Variants in RNF169 observed in about 807,000 individuals in gnomAD.
RNF169 encodes E3 ubiquitin-protein ligase RNF169.
A neutral mutation model predicts 53.9 loss-of-function variants in RNF169; 24 were observed. The observed-to-expected ratio is 0.45, with a 90% CI of 0.32 to 0.63. The LOEUF is 0.63. Ranked by LOEUF, RNF169 falls within the 20% of genes least tolerant of loss-of-function variation. RNF169 has a pLI of 0.04. For synonymous variants in RNF169, 396 were observed against 363.5 expected (o/e 1.09, Z -1.02); for missense variants, 883 against 906.2 (o/e 0.97, Z 0.33).
chr11:74,794,575 G>A (rs1055460395), intron 2 of RNF169, among the ~76,000 whole-genome samples: 1 of 152,170 alleles, frequency 6.6e-6, no homozygotes, highest in African/African-American at 2.4e-5. Context: ...AAAGTTTAGG[G>A]TATGACCATG....
chr11:74,780,859 C>T (rs1223337414), intron 1 of RNF169, among the ~76,000 whole-genome samples: 2 of 152,166 alleles, frequency 1.3e-5, no homozygotes, highest in Non-Finnish European at 2.9e-5. Context: ...GAGGCAAAAA[C>T]GTCAGTGGTG....
chr11:74,813,730 C>T (rs1010787641), intron 3 of RNF169, among the ~76,000 whole-genome samples: 3 of 152,188 alleles, frequency 2.0e-5, no homozygotes, highest in Admixed American at 1.3e-4. Flanking sequence ...GCTCTGTCGC[C>T]AGGCTGGAGT....
intron 1 of RNF169, among the ~76,000 whole-genome samples, chr11:74,763,955 T>C (rs1303594845): frequency 6.6e-6 from 1 of 152,140 alleles, no homozygotes; most frequent in Non-Finnish European, 1.5e-5. Context: ...CAAGTGATCC[T>C]CCCACCTTGG....
chr11:74,785,818 A>G (rs528160262), intron 1 of RNF169, among the ~76,000 whole-genome samples: 3 of 152,256 alleles, frequency 2.0e-5, no homozygotes, highest in Non-Finnish European at 4.4e-5. Flanking sequence ...GATTTCAGTC[A>G]TTATGCTGAG....
In RNF169 at chr11:74,835,782, C is replaced by G; in HGVS notation, c.1179C>G (p.Pro393=). 6.2e-7 allele frequency: 1 copy of G among 1,614,216 alleles called. No individual in the cohort carries two copies. ...KPIVCSPCTP[P]KRLPDGRVLS... ...TTGTCTGCTCACCATGTACTCCTCC[C>G]AAGAGACTCCCTGATGGCCGTGTGC... Residue 393 remains proline, a synonymous_variant, in exon 6 of 6, where the codon CCC becomes CCG. Transcript: ENST00000299563.
At position 74,840,465 on chromosome 11, in the gene RNF169, G is replaced by C. The variant is rs761096780; in HGVS notation, c.*3735G>C. 1 of 152,212 alleles carries C rather than the reference G, an allele frequency of 6.6e-6. No individual in the cohort carries two copies. Among genetic ancestry groups the C allele is most frequent in the Non-Finnish European group, 1.5e-5 (1 of 68,040 alleles). The allele number at this position is 152,212 out of a possible 1,614,324, so 9.4% of individuals were successfully genotyped here. ...AGGAGAATGAATTTTCTCCTCTAGTGATTACAGGACATTAACATCTCTTCA... is the reference window on the plus strand; with the variant it reads ...AGGAGAATGAATTTTCTCCTCTAGTCATTACAGGACATTAACATCTCTTCA... On this transcript the variant is annotated 3_prime_UTR_variant, in exon 6 of 6. Transcript: ENST00000299563.
chr11:74,838,995 T>C lies in RNF169; in HGVS notation c.*2265T>C, dbSNP rs2135160093. 1 of 152,346 alleles carries C rather than the reference T, an allele frequency of 6.6e-6. No individual in the cohort carries two copies. The highest frequency in any genetic ancestry group is 2.4e-5 in the African/African-American group (1 of 41,584). 9.4% of individuals were successfully genotyped at this position (152,346 alleles called of 1,614,324 possible). A position where few individuals can be genotyped will look rare whatever the true frequency, so the allele number is the denominator to read the frequency against. On this transcript the variant is annotated 3_prime_UTR_variant, in exon 6 of 6. Coordinates refer to ENST00000299563, the MANE Select transcript of RNF169 (RefSeq NM_001098638.2). ...TTCAGTTGGAATTGATTTTTGTCTTTGGTAAAAAGAAATATTTTTAATAGA... is the reference window on the plus strand; with the variant it reads ...TTCAGTTGGAATTGATTTTTGTCTTCGGTAAAAAGAAATATTTTTAATAGA...
chr11:74,770,384 G>C (rs1346930559), intron 1 of RNF169, among the ~76,000 whole-genome samples: 1 of 152,220 alleles, frequency 6.6e-6, no homozygotes, highest in Admixed American at 6.5e-5. Flanking sequence ...GTAGAAAGCA[G>C]GTTATGGATA....
At chr11:74,830,437 TC>T (rs1264007530) in intron 4 of RNF169, 1 of 152,048 alleles carries the variant, frequency 6.6e-6, no homozygotes, top group Non-Finnish European at 1.5e-5. Flanking sequence ...ATGTACCAGT[TC>T]CTAGAGTGAA....
At chr11:74,819,291 G>T (rs1326827356) in intron 4 of RNF169, among the ~76,000 whole-genome samples, 1 of 152,094 alleles carries the variant, frequency 6.6e-6, no homozygotes, top group African/African-American at 2.4e-5. Context: ...TTTATAAATG[G>T]AAGACTAAAG....
At chr11:74,791,447 C>T (rs1351510071) in intron 2 of RNF169, among the ~76,000 whole-genome samples, 1 of 152,246 alleles carries the variant, frequency 6.6e-6, no homozygotes, top group African/African-American at 2.4e-5. Context: ...ACAGTACCCA[C>T]AGTGCCCGGG....
intron 2 of RNF169, among the ~76,000 whole-genome samples, chr11:74,796,400 G>C (rs1413411360): frequency 6.6e-6 from 1 of 152,158 alleles, no homozygotes; most frequent in Non-Finnish European, 1.5e-5. Flanking sequence ...ATTCTAGGAA[G>C]ATATTACTTC....
chr11:74,802,732 A>G (rs961421430), intron 2 of RNF169, among the ~76,000 whole-genome samples: 1 of 152,182 alleles, frequency 6.6e-6, no homozygotes, highest in East Asian at 1.9e-4. Context: ...TCAGCACTAA[A>G]AAATTGCCTA....
At chr11:74,830,020 G>C (rs138934068) in intron 4 of RNF169, among the ~76,000 whole-genome samples, 1,562 of 152,058 alleles carry the variant, frequency 0.01, 32 homozygotes, top group African/African-American at 0.034. Flanking sequence ...GTTAGAAAAA[G>C]GTAAAAATTA....
At chr11:74,774,276 G>T (rs1465640058) in intron 1 of RNF169, among the ~76,000 whole-genome samples, 1 of 151,456 alleles carries the variant, frequency 6.6e-6, no homozygotes, top group African/African-American at 2.4e-5. Context: ...AACCCAGGAG[G>T]TTGAGGCTGC....
chr11:74,797,425 T>C (rs910018934), intron 2 of RNF169, among the ~76,000 whole-genome samples: 2 of 152,340 alleles, frequency 1.3e-5, no homozygotes, highest in Middle Eastern at 3.4e-3. Flanking sequence ...CTAGAAAGTT[T>C]AAAATATGTT....
chr11:74,797,837 C>T (rs894415483), intron 2 of RNF169, among the ~76,000 whole-genome samples: 4 of 152,110 alleles, frequency 2.6e-5, no homozygotes, highest in African/African-American at 7.2e-5. Flanking sequence ...ACGGAGGGAC[C>T]GGCTGAAGCC....
At chr11:74,808,221 A>T (rs1565182391) in intron 2 of RNF169, 2 of 152,194 alleles carry the variant, frequency 1.3e-5, no homozygotes, top group Admixed American at 6.5e-5. Flanking sequence ...AAAATAAACT[A>T]TTTGGAGGCA....
intron 1 of RNF169, among the ~76,000 whole-genome samples, chr11:74,763,390 C>T (rs2035120481): frequency 6.6e-6 from 1 of 152,020 alleles, no homozygotes. Context: ...GATTATAGCT[C>T]CAAGAACTCG....
Sources: gnomAD v4.1 joint callset for allele counts (sites outside exome capture counted in the v4.1 genomes callset) on GRCh38, gnomAD v4.1.1 for gene constraint, MANE v1.5 for transcripts, NCBI Gene and HGNC (gene_info 2026-07-23, HGNC 2026-07-21) for gene names.